The following TEKT3 variants were observed in gnomAD, a reference collection of about 807,000 sequenced individuals.
TEKT3 encodes the protein tektin-3.
TEKT3 carries 49 observed loss-of-function variants against 49.8 expected under a neutral mutation model. That is an observed-to-expected ratio of 0.98 (90% CI 0.78 to 1.25). The LOEUF (loss-of-function observed/expected upper bound fraction) is 1.25. TEKT3 is among the 50% of genes most tolerant of loss of function. The probability of loss-of-function intolerance (pLI) is 0.00; values close to 1 mark genes in which losing one functional copy is unlikely to be tolerated. For synonymous variants in TEKT3, 225 were observed against 237.2 expected (o/e 0.95, Z 0.47); for missense variants, 595 against 629.5 (o/e 0.95, Z 0.59).
intron 3 of TEKT3, among the ~76,000 whole-genome samples, chr17:15,330,031 A>G (rs951043975): frequency 2.0e-5 from 3 of 152,192 alleles, no homozygotes; most frequent in Admixed American, 6.5e-5. Flanking sequence ...AAGCCTGGTC[A>G]GAGGCCAGTA....
At position 15,314,165 on chromosome 17, in the gene TEKT3, ATCCGGTAAGC is replaced by A; in HGVS notation, c.790_799del (p.Ala264SerfsTer55). On this transcript the variant is annotated frameshift_variant, in exon 6 of 9. Transcript: ENST00000395930. LOFTEE classifies it high-confidence loss of function. ...GCGCAGGTGGTGGCATTTGTCGTCGATCCGGTAAGCCGTCTGTTTGTCACTCAGGTCCTTT... is the reference window on the plus strand; with the variant it reads ...GCGCAGGTGGTGGCATTTGTCGTCGACGTCTGTTTGTCACTCAGGTCCTTT... The A allele has an allele frequency of 6.2e-7, 1 of 1,614,198 alleles. No homozygotes were observed. Among genetic ancestry groups the A allele is most frequent in the East Asian group, 2.2e-5 (1 of 44,862 alleles).
Position 15,328,076 on chromosome 17 carries a change from C to G in TEKT3, c.580-1G>C. On this transcript the variant is annotated splice_acceptor_variant, in intron 3 of 8. Transcript: ENST00000395930. LOFTEE classifies it high-confidence loss of function. ...GATGAAATAGACATTCTCGGGCTAC[C>G]TACAGATACACAGATAATGGAAAGC... 6.2e-7 allele frequency: 1 copy of G among 1,612,938 alleles called. No individual in the cohort carries two copies. Among genetic ancestry groups the G allele is most frequent in the Non-Finnish European group, 8.5e-7 (1 of 1,179,076 alleles).
At chr17:15,315,460 T>C (rs976132151) in intron 5 of TEKT3, among the ~76,000 whole-genome samples, 2 of 152,020 alleles carry the variant, frequency 1.3e-5, no homozygotes, top group Non-Finnish European at 2.9e-5. Flanking sequence ...CTGCAGTTAC[T>C]CAGGTGAGAG....
At chr17:15,326,627 T>C (rs1460554824) in intron 4 of TEKT3, among the ~76,000 whole-genome samples, 3 of 152,188 alleles carry the variant, frequency 2.0e-5, no homozygotes, top group African/African-American at 7.2e-5. Flanking sequence ...GTACCATCAA[T>C]AGAAAGGGAC....
Position 15,314,074 on chromosome 17 carries a change from G to A in TEKT3, c.878+13C>T. ...GACATCGAAATCACAGCCGTGGCGTGTGCCTGACTTACGTTGCATCGACCC... is the reference window on the plus strand; with the variant it reads ...GACATCGAAATCACAGCCGTGGCGTATGCCTGACTTACGTTGCATCGACCC... On this transcript the variant is annotated intron_variant, in intron 6 of 8. Coordinates refer to ENST00000395930, the MANE Select transcript of TEKT3 (RefSeq NM_031898.3). The A allele has an allele frequency of 6.2e-7, 1 of 1,614,142 alleles. No homozygotes were observed. Among genetic ancestry groups the A allele is most frequent in the Non-Finnish European group, 8.5e-7 (1 of 1,180,020 alleles).
chr17:15,332,006 T>C (rs1361678419), intron 2 of TEKT3, among the ~76,000 whole-genome samples: 1 of 151,826 alleles, frequency 6.6e-6, no homozygotes, highest in Non-Finnish European at 1.5e-5. Context: ...AGACGAAATG[T>C]CGTCTCTGTT....
At chr17:15,328,397 A>G (rs1024321657) in intron 3 of TEKT3, among the ~76,000 whole-genome samples, 2 of 152,236 alleles carry the variant, frequency 1.3e-5, no homozygotes, top group Non-Finnish European at 2.9e-5. Flanking sequence ...TTCAGGTGAG[A>G]TAGTTCAGTA....
intron 5 of TEKT3, among the ~76,000 whole-genome samples, chr17:15,315,589 GA>G (rs35107929): frequency 0.47 from 59,313 of 125,024 alleles, 12,530 homozygotes; most frequent in South Asian, 0.54. Context: ...ACACCAGTGA[GA>G]AAAAAAAAAA....
intron 4 of TEKT3, among the ~76,000 whole-genome samples, chr17:15,324,626 C>T (rs1911410675): frequency 2.6e-5 from 4 of 152,156 alleles, no homozygotes; most frequent in Admixed American, 2.6e-4. Flanking sequence ...GAACTATCCT[C>T]ATGGGTATGA....
At chr17:15,309,323 C>A (rs1202480973) in intron 7 of TEKT3, among the ~76,000 whole-genome samples, 1 of 152,154 alleles carries the variant, frequency 6.6e-6, no homozygotes, top group Non-Finnish European at 1.5e-5. Context: ...AGAGGATTTC[C>A]CTTGCAGAGA....
intron 4 of TEKT3, among the ~76,000 whole-genome samples, chr17:15,327,261 T>C (rs1020879919): frequency 6.6e-6 from 1 of 152,000 alleles, no homozygotes; most frequent in Non-Finnish European, 1.5e-5. Context: ...CTCAAGTCTG[T>C]AATCCCAGCA....
intron 4 of TEKT3, among the ~76,000 whole-genome samples, chr17:15,323,559 A>G (rs1447553658): frequency 1.3e-5 from 2 of 152,234 alleles, no homozygotes; most frequent in East Asian, 3.8e-4. Flanking sequence ...TAGTCAACAG[A>G]ATTCAGCAGA....
chr17:15,319,212 A>C, intron 4 of TEKT3, 65 bp from the exon 5 acceptor site: 2 of 1,311,984 alleles, frequency 1.5e-6, no homozygotes, highest in Non-Finnish European at 1.0e-6. Context: ...AAAATCAACA[A>C]TGTAACAAAC....
At chr17:15,313,889 A>G (rs1368121798) in intron 6 of TEKT3, among the ~76,000 whole-genome samples, 198 bp downstream of exon 6, 3 of 152,222 alleles carry the variant, frequency 2.0e-5, no homozygotes, top group African/African-American at 4.8e-5. Context: ...ATTACTTTAC[A>G]AAAGAATTCA....
rs894027414 is a variant in TEKT3 at position 15,329,943 on chromosome 17, T to G, written c.579+1064A>C. On this transcript the variant is annotated intron_variant, in intron 3 of 8. Coordinates refer to ENST00000395930, the MANE Select transcript of TEKT3 (RefSeq NM_031898.3). The stretch of plus-strand genomic sequence containing the variant: ...CATCTTCAAACATGGAATGTCTTCT[T>G]TCAATGGAGGAGGGTGGAATGGGGT... 4.7e-4 allele frequency among the ~76,000 whole-genome samples: 71 copies of G among 152,212 alleles called. 1 individual carries two copies. Among genetic ancestry groups the G allele is most frequent in the African/African-American group, 1.4e-3 (59 of 41,454 alleles).
intron 4 of TEKT3, among the ~76,000 whole-genome samples, chr17:15,326,027 G>A (rs1008672858): frequency 2.0e-5 from 3 of 152,158 alleles, no homozygotes; most frequent in African/African-American, 7.2e-5. Flanking sequence ...AAGCTTTCCT[G>A]AGTATATTAT....
chr17:15,329,190 T>C (rs2150748921), intron 3 of TEKT3, among the ~76,000 whole-genome samples: 1 of 152,354 alleles, frequency 6.6e-6, no homozygotes, highest in East Asian at 1.9e-4. Context: ...GTTATTTCAT[T>C]GATTTAATTT....
At chr17:15,317,273 G>T (rs1911051596) in intron 5 of TEKT3, among the ~76,000 whole-genome samples, 1 of 152,186 alleles carries the variant, frequency 6.6e-6, no homozygotes, top group South Asian at 2.1e-4. Context: ...TTGTAACAGG[G>T]ATTTACATGA....
chr17:15,340,348 A>G (rs1912167012), intron 1 of TEKT3: 1 of 150,750 alleles, frequency 6.6e-6, no homozygotes. Flanking sequence ...AGCCTGGCCA[A>G]CTTGGTGAAA....
Sources: allele counts gnomAD v4.1 joint callset (sites outside exome capture counted in the v4.1 genomes callset), GRCh38; gene constraint gnomAD v4.1.1; transcripts MANE v1.5; gene names NCBI Gene and HGNC (gene_info 2026-07-23, HGNC 2026-07-21).